HERC2: variants seen among roughly 807,000 people sequenced by gnomAD.
The protein encoded by HERC2 is E3 ubiquitin-protein ligase HERC2.
A neutral mutation model predicts 537.7 loss-of-function variants in HERC2; 102 were observed. The ratio of observed to expected loss-of-function variants is 0.19; its 90% CI spans 0.16 to 0.22. The LOEUF is 0.22. HERC2 is among the 10% of genes least tolerant of loss of function. The probability of loss-of-function intolerance (pLI) is 1.00; values close to 1 mark genes in which losing one functional copy is unlikely to be tolerated. For synonymous variants in HERC2, 2,224 were observed against 2,466.2 expected, an observed-to-expected ratio of 0.90 and a Z score of 2.91; for missense variants, 4,236 against 6,198.2, an observed-to-expected ratio of 0.68 and a Z score of 10.63.
chr15:28,117,314 T>C, intron 86 of HERC2, 160 bp from the exon 87 acceptor site: 1 of 760,676 alleles, frequency 1.3e-6, no homozygotes, highest in South Asian at 1.5e-5. Flanking sequence ...GACCCTGCCG[T>C]CTGGGGCGCT....
intron 2 of HERC2, among the ~76,000 whole-genome samples, chr15:28,308,467 T>C (rs2076853304): frequency 6.6e-6 from 1 of 152,238 alleles, no homozygotes; most frequent in Non-Finnish European, 1.5e-5. Context: ...TTTAGGTTTT[T>C]CCAAATATAA....
chr15:28,225,923 TA>T (rs1169945944), intron 35 of HERC2, among the ~76,000 whole-genome samples: 2 of 152,116 alleles, frequency 1.3e-5, no homozygotes, highest in Non-Finnish European at 2.9e-5. Flanking sequence ...AATAGACCCG[TA>T]ACAAGTAAAG....
chr15:28,238,817 G>T (rs112547919), intron 23 of HERC2, 45 bp from the exon 24 acceptor site: 3 of 1,402,228 alleles, frequency 2.1e-6, no homozygotes, highest in Non-Finnish European at 3.0e-6. Flanking sequence ...CAATCAACAG[G>T]TAAAATGAAA....
chr15:28,171,254 G>A (rs555687105), intron 65 of HERC2, among the ~76,000 whole-genome samples: 2 of 152,334 alleles, frequency 1.3e-5, no homozygotes, highest in East Asian at 3.9e-4. Flanking sequence ...CGATGGTTGA[G>A]TATTCGATGG....
intron 4 of HERC2, among the ~76,000 whole-genome samples, chr15:28,280,738 C>T (rs2076000412): frequency 6.6e-6 from 1 of 151,936 alleles, no homozygotes; most frequent in East Asian, 1.9e-4. Context: ...AACCCCTTCT[C>T]TACTAAAAAA....
At chr15:28,136,426 G>T (rs28564562) in intron 78 of HERC2, among the ~76,000 whole-genome samples, 3,774 of 152,296 alleles carry the variant, frequency 0.025, 83 homozygotes, top group Middle Eastern at 0.041. Flanking sequence ...TGGCGGGGAG[G>T]GTGTGAGGCT....
chr15:28,215,806 C>G lies in HERC2; in HGVS notation c.6029-4G>C. The G allele has an allele frequency of 6.3e-7, 1 of 1,584,036 alleles. No homozygotes were observed. ...TACACCAGCCTGTTTGGAGAAGCTG[C>G]AGGAGGGAAAATAGACATGCTTGGT... On this transcript the variant is annotated splice_polypyrimidine_tract_variant and splice_region_variant and intron_variant, in intron 38 of 92. Coordinates refer to ENST00000261609, the MANE Select transcript of HERC2 (RefSeq NM_004667.6).
At chr15:28,317,525 C>T (rs894044883) in intron 2 of HERC2, among the ~76,000 whole-genome samples, 141 of 152,188 alleles carry the variant, frequency 9.3e-4, no homozygotes, top group Admixed American at 4.0e-3. Context: ...CAAACCTTGA[C>T]GGACCTGAGG....
chr15:28,282,937 G>C (rs1286865466), intron 4 of HERC2, among the ~76,000 whole-genome samples: 2 of 149,796 alleles, frequency 1.3e-5, no homozygotes, highest in Non-Finnish European at 3.0e-5. Context: ...AAGATGGGAA[G>C]GGACGGGAAG....
intron 85 of HERC2, among the ~76,000 whole-genome samples, chr15:28,123,576 A>T (rs1429010264): frequency 6.6e-6 from 1 of 152,214 alleles, no homozygotes; most frequent in African/African-American, 2.4e-5. Context: ...AGCAATCTCT[A>T]CACATTCAGG....
intron 92 of HERC2, among the ~76,000 whole-genome samples, chr15:28,112,640 G>A (rs1381199026): frequency 2.6e-5 from 4 of 152,114 alleles, no homozygotes; most frequent in South Asian, 2.1e-4. Context: ...TCAGTGACCC[G>A]GCAGGTCCAC....
At chr15:28,232,950 CTG>C (rs1310826996) in intron 30 of HERC2, among the ~76,000 whole-genome samples, 194 bp downstream of exon 30, 1 of 152,208 alleles carries the variant, frequency 6.6e-6, no homozygotes, top group Non-Finnish European at 1.5e-5. Flanking sequence ...AATTCCTAAA[CTG>C]TCTCATTGTC....
At chr15:28,118,074 A>G (rs1022287756) in intron 86 of HERC2, 1 of 169,078 alleles carries the variant, frequency 5.9e-6, no homozygotes, top group African/African-American at 2.4e-5. Context: ...CTAAAAATAC[A>G]AGAAGAATGA....
chr15:28,295,016 A>C (rs1324870209), intron 3 of HERC2, among the ~76,000 whole-genome samples: 1 of 152,002 alleles, frequency 6.6e-6, no homozygotes, highest in Non-Finnish European at 1.5e-5. Context: ...AAAGAACATG[A>C]TATTCAGCAT....
chr15:28,168,458 A>G lies in HERC2; in HGVS notation c.10362T>C (p.Ala3454=), dbSNP rs1894368680. The change falls in exon 67 of 93, where the codon GCT becomes GCC. Residue 3454 remains alanine (A), a synonymous_variant. Coordinates refer to ENST00000261609, the MANE Select transcript of HERC2 (RefSeq NM_004667.6). ...GACTCAGTCTGTCTTCGATATCAAC[A>G]GCCAGCATGCATTCTTCTCCATTCA... ...SPMNGEECML[A]VDIEDRLSPN... 1 of 1,614,206 alleles carries G rather than the reference A, an allele frequency of 6.2e-7. No individual in the cohort carries two copies. The highest frequency in any genetic ancestry group is 1.7e-5 in the Admixed American group (1 of 60,020).
intron 2 of HERC2, among the ~76,000 whole-genome samples, chr15:28,317,968 G>C (rs1596475568): frequency 6.6e-6 from 1 of 152,022 alleles, no homozygotes; most frequent in African/African-American, 2.4e-5. Flanking sequence ...ACTTAAAAAA[G>C]AACACAAAAA....
chr15:28,318,637 T>C (rs1472587476), intron 2 of HERC2, among the ~76,000 whole-genome samples: 2 of 150,506 alleles, frequency 1.3e-5, no homozygotes, highest in African/African-American at 4.9e-5. Context: ...AAAAAAAAAG[T>C]ATTGTACAAT....
At chr15:28,136,565 C>T (rs1256803619) in intron 78 of HERC2, among the ~76,000 whole-genome samples, 1 of 152,228 alleles carries the variant, frequency 6.6e-6, no homozygotes, top group Non-Finnish European at 1.5e-5. Context: ...CCCTTCCCAG[C>T]CTCAGCACTG....
chr15:28,150,802 A>G (rs1892372372), intron 70 of HERC2, among the ~76,000 whole-genome samples: 1 of 152,120 alleles, frequency 6.6e-6, no homozygotes. Context: ...CGTGACTTCT[A>G]AGGGGAAAAG....
Sources: gnomAD v4.1 joint callset for allele counts (sites outside exome capture counted in the v4.1 genomes callset) on GRCh38, gnomAD v4.1.1 for gene constraint, MANE v1.5 for transcripts, NCBI Gene and HGNC (gene_info 2026-07-23, HGNC 2026-07-21) for gene names.